Variants in PTPN9 observed in about 807,000 individuals in gnomAD.
PTPN9 encodes tyrosine-protein phosphatase non-receptor type 9.
In PTPN9, 26 loss-of-function variants were observed where a neutral mutation model predicts 69.8. The observed-to-expected ratio is 0.37, with a 90% confidence interval of 0.27 to 0.52. The LOEUF (loss-of-function observed/expected upper bound fraction) is 0.52. Ranked by LOEUF, PTPN9 falls within the 20% of genes least tolerant of loss-of-function variation. The pLI, the probability that PTPN9 is intolerant of heterozygous loss-of-function variation, is 0.91. For synonymous variants in PTPN9, 274 were observed against 272.5 expected, an observed-to-expected ratio of 1.01 and a Z score of -0.05; for missense variants, 549 against 740.3, an observed-to-expected ratio of 0.74 and a Z score of 3.00.
chr15:75,537,753 CAAAAAAAA>C (rs1164644727), intron 1 of PTPN9, among the ~76,000 whole-genome samples: 15 of 11,390 alleles, frequency 1.3e-3, no homozygotes, highest in African/African-American at 5.9e-3. Context: ...GACTCCATCT[CAAAAAAAA>C]AAAAAAAAAA....
At chr15:75,473,063 C>T (rs2074576906) in intron 10 of PTPN9, among the ~76,000 whole-genome samples, 3 of 152,074 alleles carry the variant, frequency 2.0e-5, no homozygotes, top group South Asian at 4.1e-4. Flanking sequence ...GAGAATTGTC[C>T]CATGTTTCCC....
chr15:75,556,888 A>G (rs149978191), intron 1 of PTPN9, among the ~76,000 whole-genome samples: 1 of 152,204 alleles, frequency 6.6e-6, no homozygotes, highest in Non-Finnish European at 1.5e-5. Context: ...CTGGTATTCT[A>G]CTTTCTGTCC....
At chr15:75,498,034 A>AC (rs1479316131) in intron 7 of PTPN9, among the ~76,000 whole-genome samples, 1 of 150,142 alleles carries the variant, frequency 6.7e-6, no homozygotes, top group Non-Finnish European at 1.5e-5. Flanking sequence ...TACTAAAAAT[A>AC]CAAAAAAAAA....
At chr15:75,534,349 A>C (rs994313099) in intron 1 of PTPN9, among the ~76,000 whole-genome samples, 14 of 152,192 alleles carry the variant, frequency 9.2e-5, no homozygotes, top group Non-Finnish European at 1.9e-4. Context: ...TCTCTAATCC[A>C]TTTTATACAA....
rs1194008529 is a variant in PTPN9 at position 75,505,952 on chromosome 15, G to C, written c.691C>G (p.Leu231Val). 1 of 1,613,988 alleles carries C rather than the reference G, an allele frequency of 6.2e-7. No homozygotes were observed. The highest frequency in any genetic ancestry group is 8.5e-7 in the Non-Finnish European group (1 of 1,179,984). Residue 231 changes from leucine to valine, a missense_variant, in exon 7 of 13, where the codon CTT becomes GTT. This residue lies in a region of PTPN9 where 457 missense variants were observed against 661.9 expected (regional missense o/e 0.69). Coordinates refer to ENST00000618819, the MANE Select transcript of PTPN9 (RefSeq NM_002833.4). ...ACGTACCCACCCAGGTTTTCTGGAA[G>C]ACACTCCCTGGGCAGATGCTGCGTG... ...EVTQHLPRECLPENLGGYVKI... is the reference protein window; with the variant it reads ...EVTQHLPRECVPENLGGYVKI...
chr15:75,505,021 G>C (rs370595797), intron 7 of PTPN9, among the ~76,000 whole-genome samples: 1 of 152,236 alleles, frequency 6.6e-6, no homozygotes, highest in African/African-American at 2.4e-5. Context: ...AATAGAAAGG[G>C]GGGAAAGGTG....
rs536599702 is a variant in PTPN9 at position 75,542,880 on chromosome 15, G to A, written c.64-15619C>T. The stretch of plus-strand genomic sequence containing the variant: ...TTTTTAATTATACTTTTAAGTTTTC[G>A]GGTACATGTGCACAATGTGCAGGTT... On this transcript the variant is annotated intron_variant, in intron 1 of 12. Coordinates refer to ENST00000618819, the MANE Select transcript of PTPN9 (RefSeq NM_002833.4). Among the ~76,000 whole-genome samples the A allele has an allele frequency of 3.8e-3, 555 of 146,110 alleles. 3 individuals are homozygous for A. Among genetic ancestry groups the A allele is most frequent in the Non-Finnish European group, 5.8e-3 (389 of 66,972 alleles).
chr15:75,510,897 A>T (rs76279484), intron 5 of PTPN9, among the ~76,000 whole-genome samples: 1,908 of 152,246 alleles, frequency 0.013, 36 homozygotes, highest in African/African-American at 0.043. Flanking sequence ...AGTCCCTAGT[A>T]ACCTTGGTTC....
intron 5 of PTPN9, among the ~76,000 whole-genome samples, chr15:75,513,916 T>C (rs959373357): frequency 1.3e-5 from 2 of 151,346 alleles, no homozygotes; most frequent in African/African-American, 4.9e-5. Flanking sequence ...CTGGCCAACA[T>C]GGCAAAACCC....
At chr15:75,504,467 C>G (rs1595955550) in intron 7 of PTPN9, among the ~76,000 whole-genome samples, 1 of 129,408 alleles carries the variant, frequency 7.7e-6, no homozygotes, top group African/African-American at 3.0e-5. Context: ...GCCGCCCGGT[C>G]CGGGAGGGAG....
At chr15:75,493,458 G>C (rs1240716367) in intron 7 of PTPN9, among the ~76,000 whole-genome samples, 1 of 151,894 alleles carries the variant, frequency 6.6e-6, no homozygotes, top group Non-Finnish European at 1.5e-5. Flanking sequence ...CAAAAAAAGT[G>C]ATGAAAATAT....
chr15:75,499,383 A>G (rs1289188544), intron 7 of PTPN9, among the ~76,000 whole-genome samples: 1 of 150,170 alleles, frequency 6.7e-6, no homozygotes, highest in Non-Finnish European at 1.5e-5. Context: ...GATGGCAACA[A>G]GACGATCTAA....
intron 8 of PTPN9, among the ~76,000 whole-genome samples, chr15:75,480,411 T>G (rs2074622268): frequency 6.6e-6 from 1 of 152,052 alleles, no homozygotes; most frequent in Non-Finnish European, 1.5e-5. Flanking sequence ...GAGACCATCC[T>G]GGCTAACACG....
chr15:75,475,906 A>C (rs781112045), intron 9 of PTPN9, among the ~76,000 whole-genome samples: 1 of 152,120 alleles, frequency 6.6e-6, no homozygotes, highest in Non-Finnish European at 1.5e-5. Context: ...TGGGAGGATG[A>C]GGCAGGCAGA....
chr15:75,479,231 C>T (rs1042666731), intron 9 of PTPN9, among the ~76,000 whole-genome samples: 4 of 152,066 alleles, frequency 2.6e-5, no homozygotes, highest in East Asian at 1.9e-4. Flanking sequence ...CACTTGAACC[C>T]GGGAGGTGGA....
rs1466910990 is a variant in PTPN9 at position 75,527,121 on chromosome 15, G to A, written c.204C>T (p.Tyr68=). The A allele has an allele frequency of 6.2e-7, 1 of 1,614,150 alleles. No individual in the cohort carries two copies. Among genetic ancestry groups the A allele is most frequent in the Non-Finnish European group, 8.5e-7 (1 of 1,180,022 alleles). The change falls in exon 2 of 13, where the codon TAC becomes TAT. Residue 68 remains tyrosine (Y), a synonymous_variant. Coordinates refer to ENST00000618819, the MANE Select transcript of PTPN9 (RefSeq NM_002833.4). ...VLRAIELFHS[Y]RETRRKEGIV... ...GGTCTACCCCTGAGCCACATACTCT[G>A]TAGGAGTGGAACAATTCTATGGCAC...
intron 1 of PTPN9, among the ~76,000 whole-genome samples, chr15:75,563,074 C>T (rs373771343): frequency 3.3e-5 from 5 of 152,118 alleles, no homozygotes; most frequent in South Asian, 2.1e-4. Flanking sequence ...TTTTGATCCT[C>T]GCCCTCCTCC....
Position 75,578,917 on chromosome 15 carries a change from T to C in PTPN9, c.-141A>G. The C allele has an allele frequency of 2.4e-6, 1 of 422,586 alleles. No individual in the cohort carries two copies. The highest frequency in any genetic ancestry group is 3.6e-6 in the Non-Finnish European group (1 of 273,994). The allele number at this position is 422,586 out of a possible 1,614,324, so 26.2% of individuals were successfully genotyped here. A position where few individuals can be genotyped will look rare whatever the true frequency, so the allele number is the denominator to read the frequency against. On this transcript the variant is annotated 5_prime_UTR_variant, in exon 1 of 13. Coordinates refer to ENST00000618819, the MANE Select transcript of PTPN9 (RefSeq NM_002833.4). ...AGTGTGGCCGGCAGGGCCCGGCGCC[T>C]GCAGCGGCCGCAAACGCCGCTTCTG...
chr15:75,504,701 C>G (rs1008600588), intron 7 of PTPN9, among the ~76,000 whole-genome samples: 1 of 143,294 alleles, frequency 7.0e-6, no homozygotes, highest in South Asian at 2.2e-4. Flanking sequence ...GGGGGTCAGC[C>G]CCCCGCCCGG....
Sources: gnomAD v4.1 joint callset for allele counts (sites outside exome capture counted in the v4.1 genomes callset) on GRCh38, gnomAD v4.1.1 for gene constraint, gnomAD v4.1.1 regional missense constraint, MANE v1.5 for transcripts, NCBI Gene and HGNC (gene_info 2026-07-23, HGNC 2026-07-21) for gene names.